TG: variants seen among roughly 807,000 people sequenced by gnomAD.
TG encodes the protein thyroid hormones.
In TG, 270 loss-of-function variants were observed where a neutral mutation model predicts 324.7. The observed-to-expected ratio is 0.83, with a 90% CI of 0.75 to 0.92. The LOEUF (loss-of-function observed/expected upper bound fraction) is 0.92. Among genes scored for constraint, TG ranks in the 40% least tolerant of loss-of-function variants. TG has a pLI of 0.00. For synonymous variants in TG, 1,401 were observed against 1,327.0 expected (o/e 1.06, Z -1.21); for missense variants, 3,591 against 3,456.4 (o/e 1.04, Z -0.98).
At chr8:132,974,410 T>C (rs1005933114) in intron 34 of TG, among the ~76,000 whole-genome samples, 5 of 152,242 alleles carry the variant, frequency 3.3e-5, no homozygotes, top group African/African-American at 1.2e-4. Flanking sequence ...GGTTATACCA[T>C]TTAATACTCA....
rs1045363628 is a variant in TG, at chr8:133,113,722, T to A, written c.7754+119T>A. 5.1e-6 allele frequency: 6 copies of A among 1,171,852 alleles called. No homozygotes were observed. In the Middle Eastern group the frequency reaches 8.2e-4, roughly 161 times the overall value. The allele number at this position is 1,171,852 out of a possible 1,614,324, so 72.6% of individuals were successfully genotyped here. On this transcript the variant is annotated intron_variant, in intron 44 of 47. Coordinates refer to ENST00000220616, the MANE Select transcript of TG (RefSeq NM_003235.5). ...GTGGCTTTGTGCTTGAGGTTTCCTC[T>A]GCATCATTCATTCAGCCTACAGCAT...
At chr8:133,062,256 C>T (rs1053502952) in intron 41 of TG, among the ~76,000 whole-genome samples, 8 of 152,208 alleles carry the variant, frequency 5.3e-5, no homozygotes, top group African/African-American at 1.9e-4. Context: ...AATCCCAGGG[C>T]CTCTGACCCT....
intron 22 of TG, among the ~76,000 whole-genome samples, chr8:132,928,280 G>A (rs1457730806): frequency 1.3e-5 from 2 of 152,140 alleles, no homozygotes; most frequent in East Asian, 3.8e-4. Context: ...AATTATGTTT[G>A]CAAAAAACCA....
At chr8:132,997,251 G>A (rs1330630578) in intron 35 of TG, among the ~76,000 whole-genome samples, 1 of 152,190 alleles carries the variant, frequency 6.6e-6, no homozygotes, top group Non-Finnish European at 1.5e-5. Context: ...TGTAAGAGGG[G>A]AACCAGTGGA....
chr8:132,890,279 A>T (rs1292384075), intron 10 of TG, among the ~76,000 whole-genome samples: 1 of 152,218 alleles, frequency 6.6e-6, no homozygotes, highest in Non-Finnish European at 1.5e-5. Flanking sequence ...CAGCTGAAAC[A>T]GCTAAAAATC....
At chr8:133,013,179 G>T (rs1339162086) in intron 36 of TG, among the ~76,000 whole-genome samples, 1 of 152,230 alleles carries the variant, frequency 6.6e-6, no homozygotes, top group Non-Finnish European at 1.5e-5. Context: ...TCAGAGGGTT[G>T]GGTTTCTCAT....
chr8:132,933,476 G>T lies in TG; in HGVS notation c.4817-85G>T, dbSNP rs539464870. 101 of 1,011,924 alleles carry T rather than the reference G, an allele frequency of 1.0e-4. 1 individual carries two copies. In the African/African-American group the frequency reaches 1.4e-3, roughly 14 times the overall value. 62.7% of individuals were successfully genotyped at this position (1,011,924 alleles called of 1,614,324 possible). ...TGTGTGTGTGTGTGTTTGGGCATGT[G>T]GGGCAGGGGCAGGGGGATGTGTCTG... On this transcript the variant is annotated intron_variant, in intron 23 of 47. Coordinates refer to ENST00000220616, the MANE Select transcript of TG (RefSeq NM_003235.5).
At chr8:132,872,233 C>A (rs1839549140) in intron 4 of TG, among the ~76,000 whole-genome samples, 1 of 151,798 alleles carries the variant, frequency 6.6e-6, no homozygotes, top group Non-Finnish European at 1.5e-5. Context: ...AATCCCAGCA[C>A]TTTGGGAGGC....
At chr8:132,923,631 T>A in intron 22 of TG, 123 bp downstream of exon 22, 2 of 1,205,088 alleles carry the variant, frequency 1.7e-6, no homozygotes, top group Non-Finnish European at 1.1e-6. Flanking sequence ...TGAAAAATTT[T>A]AATCTGTGTA....
At chr8:133,074,963 G>T in intron 41 of TG, 1 of 985,478 alleles carries the variant, frequency 1.0e-6, no homozygotes, top group Non-Finnish European at 1.2e-6. Flanking sequence ...TAAACAGGCA[G>T]CCGGGCTTCT....
chr8:133,009,726 CT>C (rs1200877171), intron 35 of TG, among the ~76,000 whole-genome samples: 2 of 151,886 alleles, frequency 1.3e-5, no homozygotes, highest in African/African-American at 2.4e-5. Flanking sequence ...CTCGCTTGGT[CT>C]TTCTGCTCTC....
intron 47 of TG, 45 bp downstream of exon 47, chr8:133,133,705 C>A: frequency 6.3e-7 from 1 of 1,592,978 alleles, no homozygotes; most frequent in South Asian, 1.1e-5. Context: ...GTGTTGATCT[C>A]AGCATCTGCT....
chr8:132,964,969 C>T, intron 29 of TG: 1 of 701,878 alleles, frequency 1.4e-6, no homozygotes, highest in Admixed American at 2.0e-5. Flanking sequence ...GTAAGGGGAA[C>T]ACCTGTGCCA....
At chr8:133,086,132 A>G (rs906128629) in intron 41 of TG, among the ~76,000 whole-genome samples, 5 of 152,258 alleles carry the variant, frequency 3.3e-5, no homozygotes, top group African/African-American at 1.2e-4. Flanking sequence ...TTCCATTTAT[A>G]TGAAATGTCC....
At chr8:133,079,747 A>G (rs1845463664) in intron 41 of TG, among the ~76,000 whole-genome samples, 1 of 152,198 alleles carries the variant, frequency 6.6e-6, no homozygotes, top group African/African-American at 2.4e-5. Context: ...CTTGGGAACT[A>G]GAAAGCTTTC....
At chr8:132,952,789 AT>A in intron 27 of TG, among the ~76,000 whole-genome samples, 1 of 152,288 alleles carries the variant, frequency 6.6e-6, no homozygotes, top group South Asian at 2.1e-4. Context: ...TTATATCACA[AT>A]TTCACTCATG....
intron 43 of TG, among the ~76,000 whole-genome samples, chr8:133,099,385 A>G (rs542680165): frequency 2.0e-4 from 30 of 152,326 alleles, no homozygotes; most frequent in Admixed American, 6.5e-4. Context: ...GTGCTAATTG[A>G]TGAGGAGGAC....
intron 41 of TG, among the ~76,000 whole-genome samples, chr8:133,091,178 T>A (rs1196935992): frequency 6.6e-6 from 1 of 152,250 alleles, no homozygotes; most frequent in Non-Finnish European, 1.5e-5. Flanking sequence ...CATTGTTGTG[T>A]CTGTGCTGGG....
At chr8:132,969,634 C>A (rs1309189733) in intron 32 of TG, 65 bp downstream of exon 32, 6 of 1,223,388 alleles carry the variant, frequency 4.9e-6, no homozygotes, top group African/African-American at 4.5e-5. Flanking sequence ...GAAGATGACA[C>A]AATCACAGCT....
Sources: gnomAD v4.1 joint callset for allele counts (sites outside exome capture counted in the v4.1 genomes callset) on GRCh38, gnomAD v4.1.1 for gene constraint, MANE v1.5 for transcripts, NCBI Gene and HGNC (gene_info 2026-07-23, HGNC 2026-07-21) for gene names.